SCD5: variants seen among roughly 807,000 people sequenced by gnomAD.
SCD5 encodes acyl-CoA-desaturase 4.
Under a neutral mutation model 30.4 loss-of-function variants are expected in SCD5, and 20 were observed. The ratio of observed to expected loss-of-function variants is 0.66; its 90% CI spans 0.46 to 0.96. The LOEUF (loss-of-function observed/expected upper bound fraction) is 0.96, where lower values mean the gene tolerates loss of function less well. Ranked by LOEUF, SCD5 falls within the 40% of genes least tolerant of loss-of-function variation. SCD5 has a pLI of 0.00. For synonymous variants in SCD5, 173 were observed against 176.4 expected (o/e 0.98, Z 0.16); for missense variants, 381 against 443.3 (o/e 0.86, Z 1.26).
chr4:82,714,315 A>G (rs898603235), intron 1 of SCD5, among the ~76,000 whole-genome samples: 22 of 151,974 alleles, frequency 1.4e-4, no homozygotes, highest in Non-Finnish European at 5.9e-5. Flanking sequence ...AACCCACTCA[A>G]TCAGGTTTTG....
chr4:82,710,804 G>C (rs1194506095), intron 1 of SCD5, among the ~76,000 whole-genome samples: 1 of 143,472 alleles, frequency 7.0e-6, no homozygotes, highest in Non-Finnish European at 1.5e-5. Flanking sequence ...GTTGGAGAGG[G>C]AGAGAGGGAG....
At chr4:82,671,444 T>C (rs919813625) in intron 3 of SCD5, among the ~76,000 whole-genome samples, 3 of 152,176 alleles carry the variant, frequency 2.0e-5, no homozygotes, top group Non-Finnish European at 4.4e-5. Context: ...ATATGCATTC[T>C]TCTCAAGCTC....
At chr4:82,752,678 G>A (rs543925945) in intron 1 of SCD5, among the ~76,000 whole-genome samples, 2 of 152,100 alleles carry the variant, frequency 1.3e-5, no homozygotes, top group Non-Finnish European at 2.9e-5. Flanking sequence ...AGAAGCCTAT[G>A]TATTTGTTTG....
chr4:82,739,380 C>T (rs370286891), intron 1 of SCD5, among the ~76,000 whole-genome samples: 12 of 152,348 alleles, frequency 7.9e-5, no homozygotes, highest in Admixed American at 3.9e-4. Flanking sequence ...GTGGATGATA[C>T]GGTTTCTAAC....
chr4:82,655,041 T>C (rs180794477), intron 3 of SCD5, among the ~76,000 whole-genome samples: 59 of 152,324 alleles, frequency 3.9e-4, no homozygotes, highest in African/African-American at 1.4e-3. Context: ...TCACTTCATG[T>C]AGACTTCTTC....
chr4:82,692,657 T>G (rs1241134925), intron 2 of SCD5, among the ~76,000 whole-genome samples: 2 of 152,150 alleles, frequency 1.3e-5, no homozygotes, highest in African/African-American at 4.8e-5. Flanking sequence ...GGTGCCACAG[T>G]GGATTTCACA....
rs75192488 is a variant in SCD5, at chr4:82,770,856, T to G, written c.232+27450A>C. On this transcript the variant is annotated intron_variant, in intron 1 of 4. Coordinates refer to ENST00000319540, the MANE Select transcript of SCD5 (RefSeq NM_001037582.3). Reference sequence around the variant, plus strand: ...GAGTTGGGTGGATAAATGCCTCCTATTCTCTCGTCCTCTGAGGCATGTTCT... The same window carrying G: ...GAGTTGGGTGGATAAATGCCTCCTAGTCTCTCGTCCTCTGAGGCATGTTCT... 6.1e-3 allele frequency among the ~76,000 whole-genome samples: 935 copies of G among 152,360 alleles called. 10 individuals are homozygous for G. The highest frequency in any genetic ancestry group is 0.021 in the African/African-American group (889 of 41,584).
intron 1 of SCD5, among the ~76,000 whole-genome samples, chr4:82,734,634 C>T (rs571232701): frequency 2.4e-4 from 36 of 152,230 alleles, no homozygotes; most frequent in South Asian, 6.2e-4. Flanking sequence ...AAATACAAAA[C>T]ATCAAAGCAA....
intron 1 of SCD5, among the ~76,000 whole-genome samples, chr4:82,710,512 G>T (rs576422620): frequency 1.3e-5 from 2 of 152,250 alleles, no homozygotes; most frequent in East Asian, 3.9e-4. Context: ...ATATCTGGGT[G>T]CTGGGCTGTG....
chr4:82,695,949 TA>T (rs1256097325), intron 2 of SCD5, among the ~76,000 whole-genome samples: 1 of 152,196 alleles, frequency 6.6e-6, no homozygotes. Context: ...ATTGTCTTTT[TA>T]TAAGAGTCTT....
chr4:82,687,813 C>G (rs1054736478), intron 2 of SCD5, among the ~76,000 whole-genome samples: 1 of 152,196 alleles, frequency 6.6e-6, no homozygotes, highest in African/African-American at 2.4e-5. Flanking sequence ...AGGTATGAAG[C>G]AACCTGCTCC....
chr4:82,673,085 T>C (rs890001308), intron 3 of SCD5, among the ~76,000 whole-genome samples: 1 of 152,142 alleles, frequency 6.6e-6, no homozygotes, highest in Non-Finnish European at 1.5e-5. Flanking sequence ...AGAGACTATA[T>C]ACTTTTCCTC....
At chr4:82,686,356 A>C (rs556456116) in intron 2 of SCD5, among the ~76,000 whole-genome samples, 1 of 152,238 alleles carries the variant, frequency 6.6e-6, no homozygotes, top group African/African-American at 2.4e-5. Flanking sequence ...AAAAGTTTGA[A>C]GAATTAAGAA....
intron 1 of SCD5, among the ~76,000 whole-genome samples, chr4:82,738,943 G>A (rs186737906): frequency 2.5e-4 from 38 of 152,336 alleles, no homozygotes; most frequent in African/African-American, 7.7e-4. Flanking sequence ...AGTAATAACA[G>A]AGGTGGGGAC....
chr4:82,770,646 A>G (rs1283592382), intron 1 of SCD5, among the ~76,000 whole-genome samples: 1 of 152,276 alleles, frequency 6.6e-6, no homozygotes, highest in East Asian at 1.9e-4. Context: ...GCAAAAAGGC[A>G]GTGTAGCCAA....
intron 1 of SCD5, chr4:82,753,319 G>A (rs771607495): frequency 5.7e-6 from 3 of 527,618 alleles, no homozygotes; most frequent in Non-Finnish European, 1.2e-5. Context: ...TGGGGGTGGG[G>A]GGTTCTGTGT....
chr4:82,682,797 T>C (rs963132044), intron 2 of SCD5, among the ~76,000 whole-genome samples: 1 of 152,118 alleles, frequency 6.6e-6, no homozygotes, highest in Non-Finnish European at 1.5e-5. Context: ...TACAGGTGTA[T>C]GCCACCATGC....
intron 1 of SCD5, among the ~76,000 whole-genome samples, chr4:82,737,085 G>A (rs1720767948): frequency 6.6e-6 from 1 of 152,008 alleles, no homozygotes. Flanking sequence ...ATGTTCCATG[G>A]TTTACTACAC....
At chr4:82,712,258 A>C (rs111801172) in intron 1 of SCD5, among the ~76,000 whole-genome samples, 1 of 34,478 alleles carries the variant, frequency 2.9e-5, no homozygotes, top group Non-Finnish European at 4.9e-5. Flanking sequence ...ATATATATAT[A>C]TATATATATA....
Sources: allele counts gnomAD v4.1 joint callset (sites outside exome capture counted in the v4.1 genomes callset), GRCh38; gene constraint gnomAD v4.1.1; transcripts MANE v1.5; gene names NCBI Gene and HGNC (gene_info 2026-07-23, HGNC 2026-07-21).